Variants in ENTPD4 observed in about 807,000 individuals in gnomAD.
ENTPD4 encodes the protein ectonucleoside triphosphate diphosphohydrolase 4, also known as Golgi UDPase.
A neutral mutation model predicts 79.1 loss-of-function variants in ENTPD4; 60 were observed. That is an observed-to-expected ratio of 0.76 (90% CI 0.62 to 0.94). ENTPD4 has a LOEUF of 0.94. ENTPD4 is among the 40% of genes least tolerant of loss of function. ENTPD4 has a pLI of 0.00. For synonymous variants in ENTPD4, 276 were observed against 292.0 expected (o/e 0.95, Z 0.56); for missense variants, 772 against 775.1 (o/e 1.00, Z 0.05).
chr8:23,435,609 A>C, intron 10 of ENTPD4, 132 bp from the exon 11 acceptor site: 1 of 667,672 alleles, frequency 1.5e-6, no homozygotes, highest in Non-Finnish European at 2.6e-6. Flanking sequence ...CTTAACTTAT[A>C]CAACAAATGG....
At position 23,447,741 on chromosome 8, in the gene ENTPD4, C is replaced by T. The variant is rs1292382019; in HGVS notation, c.351G>A (p.Leu117=). The change falls in exon 4 of 13, where the codon CTG becomes CTA. Residue 117 remains leucine (L), a synonymous_variant. Coordinates refer to ENST00000358689, the MANE Select transcript of ENTPD4 (RefSeq NM_004901.5). ...TATCCCTCATTTGCCTGATATCCAA[C>T]AGATCATGTGGATTGCCATTATGCC... ...WPRHNGNPHD[L]LDIRQMRDKN... 9 of 1,614,056 alleles carry T rather than the reference C, an allele frequency of 5.6e-6. No individual in the cohort carries two copies. The highest frequency in any genetic ancestry group is 2.2e-5 in the South Asian group (2 of 91,090).
intron 11 of ENTPD4, 30 bp from the exon 12 acceptor site, chr8:23,434,508 G>A (rs759376091): frequency 1.6e-5 from 26 of 1,611,778 alleles, no homozygotes; most frequent in Non-Finnish European, 2.2e-5. Flanking sequence ...AGGCAAGTCA[G>A]ACTGACTCAC....
chr8:23,438,406 G>A (rs1181060099), intron 9 of ENTPD4, among the ~76,000 whole-genome samples: 1 of 152,048 alleles, frequency 6.6e-6, no homozygotes, highest in Non-Finnish European at 1.5e-5. Context: ...AAAAATGTTC[G>A]CTTAATTTAA....
At chr8:23,435,800 A>G (rs1800547128) in intron 10 of ENTPD4, among the ~76,000 whole-genome samples, 2 of 152,268 alleles carry the variant, frequency 1.3e-5, no homozygotes, top group African/African-American at 4.8e-5. Flanking sequence ...AAAGTGAAGC[A>G]GTATTTTAGC....
In ENTPD4 at chr8:23,448,715, T is replaced by C. The variant is rs751486423; in HGVS notation, c.206+27A>G. On this transcript the variant is annotated intron_variant, in intron 3 of 12. Coordinates refer to ENST00000358689, the MANE Select transcript of ENTPD4 (RefSeq NM_004901.5). Reference sequence around the variant, plus strand: ...AAGACAGAAGGTAAGGCTTCTGGTCTAGAAAGCAAATGTTTTTATCTCTTA... The same window carrying C: ...AAGACAGAAGGTAAGGCTTCTGGTCCAGAAAGCAAATGTTTTTATCTCTTA... 4 of 1,596,044 alleles carry C rather than the reference T, an allele frequency of 2.5e-6. No individual in the cohort carries two copies. In the East Asian group the frequency reaches 8.9e-5, roughly 36 times the overall value.
At chr8:23,451,283 G>A (rs1245718906) in intron 1 of ENTPD4, among the ~76,000 whole-genome samples, 2 of 152,122 alleles carry the variant, frequency 1.3e-5, no homozygotes, top group African/African-American at 4.8e-5. Context: ...GCCTCCCAAA[G>A]TGCTGGGATT....
At chr8:23,450,702 C>G (rs1240687090) in intron 1 of ENTPD4, among the ~76,000 whole-genome samples, 3 of 152,226 alleles carry the variant, frequency 2.0e-5, no homozygotes, top group African/African-American at 7.2e-5. Context: ...GGCTCTCTGT[C>G]TAGCCTCATT....
intron 4 of ENTPD4, among the ~76,000 whole-genome samples, chr8:23,445,362 A>T (rs1800747648): frequency 6.6e-6 from 1 of 152,000 alleles, no homozygotes; most frequent in Non-Finnish European, 1.5e-5. Flanking sequence ...TCAGGCTTCC[A>T]ATTCTTTTGT....
Position 23,433,042 on chromosome 8 carries a change from G to T in ENTPD4, c.1735C>A (p.Leu579Met). 1 of 1,614,176 alleles carries T rather than the reference G, an allele frequency of 6.2e-7. No individual in the cohort carries two copies. The highest frequency in any genetic ancestry group is 8.5e-7 in the Non-Finnish European group (1 of 1,180,038). Reference protein sequence around the residue: ...GCFLVVLLAILLYLLRLRRIH... With the variant: ...GCFLVVLLAIMLYLLRLRRIH... ...CGCCGCAGCCGCAGCAGGTACAGCAGGATGGCCAGCAGCACCACCAGGAAG... is the reference window on the plus strand; with the variant it reads ...CGCCGCAGCCGCAGCAGGTACAGCATGATGGCCAGCAGCACCACCAGGAAG... Residue 579 changes from leucine (L) to methionine (M), a missense_variant, in exon 13 of 13, where the codon CTG becomes ATG. Transcript: ENST00000358689.
In ENTPD4 at chr8:23,431,696, GT is replaced by G; in HGVS notation, c.*1229del. On this transcript the variant is annotated 3_prime_UTR_variant, in exon 13 of 13. Coordinates refer to ENST00000358689, the MANE Select transcript of ENTPD4 (RefSeq NM_004901.5). ...CTGAGATGACTTTTAATTAAGGGGG[GT>G]GGGGGAAACACCAATTGGAAGCTGG... The G allele has an allele frequency of 1.0e-6, 1 of 985,554 alleles. No individual in the cohort carries two copies. The highest frequency in any genetic ancestry group is 1.2e-6 in the Non-Finnish European group (1 of 830,060). 61.1% of individuals were successfully genotyped at this position (985,554 alleles called of 1,614,324 possible).
In ENTPD4 at chr8:23,437,031, C is replaced by A; in HGVS notation, c.1277G>T (p.Ser426Ile). Residue 426 changes from serine to isoleucine, a missense_variant, in exon 10 of 13, where the codon AGT becomes ATT. Ser to Ile is a moderately radical substitution (Grantham distance 142, BLOSUM62 -2). Transcript: ENST00000358689. ...GAATTCGGAGAAGCCATAGAATTCA[C>A]TGTTCTGGAAGTGAATTGGGGGCTG... ...VYQPPIHFQN[S>I]EFYGFSEFYY... The A allele has an allele frequency of 1.2e-6, 2 of 1,614,174 alleles. No individual in the cohort carries two copies. The highest frequency in any genetic ancestry group is 1.7e-6 in the Non-Finnish European group (2 of 1,180,000).
rs1005388955 is a variant in ENTPD4, at chr8:23,431,042, C to T, written c.*1884G>A. On this transcript the variant is annotated 3_prime_UTR_variant, in exon 13 of 13. Transcript: ENST00000358689. ...TCCAGGTGAGGGAGCCATGCCCCCA[C>T]AGCTCTTGCCTCAAGGATCAGATGC... is the stretch of plus-strand genomic sequence containing the variant. 3.3e-6 allele frequency: 3 copies of T among 902,600 alleles called. No individual in the cohort carries two copies. The highest frequency in any genetic ancestry group is 1.2e-4 in the East Asian group (1 of 8,440). The allele number at this position is 902,600 out of a possible 1,614,324, so 55.9% of individuals were successfully genotyped here.
At chr8:23,443,724 T>C (rs961066757) in intron 6 of ENTPD4, 126 bp downstream of exon 6, 4 of 569,742 alleles carry the variant, frequency 7.0e-6, no homozygotes, top group Non-Finnish European at 1.3e-5. Flanking sequence ...AAAATTGTAA[T>C]ATTTCAAGGC....
rs751787221 is a variant in ENTPD4 at position 23,437,054 on chromosome 8, C to T, written c.1254G>A (p.Gln418=). 8 of 1,614,146 alleles carry T rather than the reference C, an allele frequency of 5.0e-6. No individual in the cohort carries two copies. The Admixed American group carries it at 1.3e-4, about 27-fold the overall frequency. The change falls in exon 10 of 13, where the codon CAG becomes CAA. Residue 418 remains glutamine, a synonymous_variant. Transcript: ENST00000358689. The part of the protein sequence containing the change: ...ETQTSLNGVY[Q]PPIHFQNSEF... ...CACTGTTCTGGAAGTGAATTGGGGG[C>T]TGGTAGACCCCATTGAGGGAAGTCT...
In ENTPD4 at chr8:23,435,384, G is replaced by C. The variant is rs768098695; in HGVS notation, c.1460+8C>G. On this transcript the variant is annotated splice_region_variant and intron_variant, in intron 11 of 12. Coordinates refer to ENST00000358689, the MANE Select transcript of ENTPD4 (RefSeq NM_004901.5). The stretch of plus-strand genomic sequence containing the variant: ...AGAGTGCCCTGGGCTTGACCTTCTA[G>C]TACTTACTTAAGCCTGTGGAGGTCA... 20 of 1,607,692 alleles carry C rather than the reference G, an allele frequency of 1.2e-5. No individual in the cohort carries two copies. The highest frequency in any genetic ancestry group is 1.3e-5 in the African/African-American group (1 of 74,814).
intron 1 of ENTPD4, among the ~76,000 whole-genome samples, chr8:23,453,649 G>A (rs1363136098): frequency 6.6e-6 from 1 of 152,206 alleles, no homozygotes; most frequent in Non-Finnish European, 1.5e-5. Context: ...GCTAACAGGG[G>A]AAGGGGAAAA....
At chr8:23,445,612 T>G (rs1800751408) in intron 4 of ENTPD4, among the ~76,000 whole-genome samples, 1 of 152,176 alleles carries the variant, frequency 6.6e-6, no homozygotes, top group African/African-American at 2.4e-5. Context: ...GGCTCCAGCC[T>G]CCATGGAAGT....
At chr8:23,453,888 G>T (rs1453172239) in intron 1 of ENTPD4, among the ~76,000 whole-genome samples, 1 of 152,102 alleles carries the variant, frequency 6.6e-6, no homozygotes, top group Non-Finnish European at 1.5e-5. Flanking sequence ...TCCACTGTGG[G>T]GTACATTTAT....
chr8:23,433,089 T>C lies in ENTPD4; in HGVS notation c.1688A>G (p.Asn563Ser), dbSNP rs1409784154. 1.9e-6 allele frequency: 3 copies of C among 1,614,064 alleles called. No homozygotes were observed. The highest frequency in any genetic ancestry group is 2.5e-6 in the Non-Finnish European group (3 of 1,179,984). ...THWRGVSFVY[N>S]HYLFSGCFLV... ...GAAGCAGCCAGAGAACAGGTAGTGG[T>C]TGTAGACAAAGGAAACGCCCCGCCA... The change falls in exon 13 of 13, where the codon AAC becomes AGC. Residue 563 changes from asparagine to serine, a missense_variant. Transcript: ENST00000358689.
Sources: gnomAD v4.1 joint callset for allele counts (sites outside exome capture counted in the v4.1 genomes callset) on GRCh38, gnomAD v4.1.1 for gene constraint, MANE v1.5 for transcripts, NCBI Gene and HGNC (gene_info 2026-07-23, HGNC 2026-07-21) for gene names.